Variants in SLC25A42 observed in about 807,000 individuals in gnomAD.
The protein encoded by SLC25A42 is mitochondrial coenzyme A transporter SLC25A42.
Under a neutral mutation model 34.7 loss-of-function variants are expected in SLC25A42, and 19 were observed. That is an observed-to-expected ratio of 0.55 (90% CI 0.38 to 0.80). The LOEUF is 0.80. Ranked by LOEUF, SLC25A42 falls within the 30% of genes least tolerant of loss-of-function variation. The pLI, the probability that SLC25A42 is intolerant of heterozygous loss-of-function variation, is 0.00. For synonymous variants in SLC25A42, 205 were observed against 191.2 expected (o/e 1.07, Z -0.59); for missense variants, 364 against 441.3 (o/e 0.82, Z 1.57).
At chr19:19,105,945 T>C (rs2059824957) in intron 5 of SLC25A42, 2 of 567,184 alleles carry the variant, frequency 3.5e-6, no homozygotes, top group Non-Finnish European at 6.2e-6. Flanking sequence ...TCCTCTCCTT[T>C]GCCCGTTTGT....
chr19:19,092,852 T>C (rs112627888), intron 1 of SLC25A42, among the ~76,000 whole-genome samples: 9 of 152,216 alleles, frequency 5.9e-5, no homozygotes, highest in Non-Finnish European at 1.0e-4. Context: ...CCAGGGTCTG[T>C]AGCGGCAGGG....
intron 1 of SLC25A42, among the ~76,000 whole-genome samples, chr19:19,086,019 G>T (rs554599709): frequency 6.6e-6 from 1 of 152,198 alleles, no homozygotes; most frequent in Non-Finnish European, 1.5e-5. Flanking sequence ...ACCATGTGCC[G>T]TGGAGGACCT....
chr19:19,091,303 A>C (rs1216361781), intron 1 of SLC25A42, among the ~76,000 whole-genome samples: 1 of 152,078 alleles, frequency 6.6e-6, no homozygotes, highest in African/African-American at 2.4e-5. Flanking sequence ...CTAAAAATAC[A>C]AAAACTTAGC....
At chr19:19,097,021 T>G (rs1034592923) in intron 2 of SLC25A42, among the ~76,000 whole-genome samples, 48 of 152,204 alleles carry the variant, frequency 3.2e-4, no homozygotes, top group South Asian at 2.1e-4. Flanking sequence ...AGTTCACCTC[T>G]TAAGTCCACA....
rs1161208923 is a variant in SLC25A42 at position 19,111,107 on chromosome 19, TC to T, written c.*232del. On this transcript the variant is annotated 3_prime_UTR_variant, in exon 8 of 8. Coordinates refer to ENST00000318596, the MANE Select transcript of SLC25A42 (RefSeq NM_178526.5). ...GGTGTGGGGGGTCCCGCAGCTCCCC[TC>T]TTCCTTCCTCTGCAGACGCTGGCGC... The T allele has an allele frequency of 1.7e-6, 1 of 574,298 alleles. No individual in the cohort carries two copies. Among genetic ancestry groups the T allele is most frequent in the Non-Finnish European group, 3.1e-6 (1 of 325,542 alleles). 35.6% of individuals were successfully genotyped at this position (574,298 alleles called of 1,614,324 possible). A position where few individuals can be genotyped will look rare whatever the true frequency, so the allele number is the denominator to read the frequency against.
chr19:19,072,495 A>G (rs2145898558), intron 1 of SLC25A42, among the ~76,000 whole-genome samples: 1 of 151,178 alleles, frequency 6.6e-6, no homozygotes, highest in East Asian at 2.0e-4. Flanking sequence ...CTCATGCCTC[A>G]GCCTCCTGAG....
In SLC25A42 at chr19:19,096,169, T is replaced by C. The variant is rs756604951; in HGVS notation, c.45T>C (p.Asp15=). 2 of 1,613,152 alleles carry C rather than the reference T, an allele frequency of 1.2e-6. No individual in the cohort carries two copies. Among genetic ancestry groups the C allele is most frequent in the South Asian group, 2.2e-5 (2 of 91,080 alleles). ...VKEGPVRLHE[D]AEAVLSSSVS... is the part of the protein sequence containing the mutation. ...AAGGCCCGGTGCGATTGCATGAGGA[T>C]GCTGAGGCTGTCCTGTCCTCGTCCG... Residue 15 remains aspartate (D), a synonymous_variant, in exon 2 of 8, where the codon GAT becomes GAC. Coordinates refer to ENST00000318596, the MANE Select transcript of SLC25A42 (RefSeq NM_178526.5).
intron 1 of SLC25A42, among the ~76,000 whole-genome samples, chr19:19,073,250 G>A (rs951686972): frequency 1.3e-5 from 2 of 152,218 alleles, no homozygotes; most frequent in Non-Finnish European, 2.9e-5. Flanking sequence ...TGGACACTGA[G>A]TGTGACATGG....
At chr19:19,097,330 G>A (rs1339095502) in intron 2 of SLC25A42, among the ~76,000 whole-genome samples, 4 of 152,276 alleles carry the variant, frequency 2.6e-5, no homozygotes, top group African/African-American at 7.2e-5. Context: ...CTCATTCACC[G>A]GGGTCACCAC....
chr19:19,096,304 C>A (rs1445253244), intron 2 of SLC25A42, 99 bp downstream of exon 2: 2 of 852,738 alleles, frequency 2.3e-6, no homozygotes, highest in African/African-American at 3.4e-5. Context: ...GCCTCTGCAC[C>A]CCCTCCAAAC....
chr19:19,074,771 A>C (rs1443240411), intron 1 of SLC25A42, among the ~76,000 whole-genome samples: 1 of 151,614 alleles, frequency 6.6e-6, no homozygotes, highest in Non-Finnish European at 1.5e-5. Context: ...GTGTGTGTGT[A>C]TGTGTGAGTG....
chr19:19,071,023 C>T (rs146167389), intron 1 of SLC25A42, among the ~76,000 whole-genome samples: 339 of 134,882 alleles, frequency 2.5e-3, no homozygotes, highest in African/African-American at 9.9e-3. Flanking sequence ...TACAGGGTCT[C>T]ACTTTCTCAC....
chr19:19,069,587 C>T (rs186480973), intron 1 of SLC25A42, among the ~76,000 whole-genome samples: 2 of 152,324 alleles, frequency 1.3e-5, no homozygotes, highest in Admixed American at 6.5e-5. Context: ...CTCGTGGCTA[C>T]ATCACTCCAG....
chr19:19,105,218 G>A (rs1026246813), intron 4 of SLC25A42: 4 of 573,872 alleles, frequency 7.0e-6, no homozygotes, highest in African/African-American at 5.6e-5. Flanking sequence ...TCTTAATAAA[G>A]GAAAAGATAA....
chr19:19,087,594 A>G (rs1022487871), intron 1 of SLC25A42, among the ~76,000 whole-genome samples: 2 of 152,146 alleles, frequency 1.3e-5, no homozygotes, highest in Non-Finnish European at 1.5e-5. Flanking sequence ...AGCTGTCCCC[A>G]TGGTTCTTGA....
intron 3 of SLC25A42, among the ~76,000 whole-genome samples, chr19:19,104,159 C>T (rs1425782727): frequency 1.3e-5 from 2 of 152,150 alleles, no homozygotes; most frequent in Admixed American, 6.5e-5. Context: ...GTGATCCACC[C>T]GCCTCAGCCT....
At chr19:19,065,723 ATG>A (rs557929615) in intron 1 of SLC25A42, among the ~76,000 whole-genome samples, 59 of 152,290 alleles carry the variant, frequency 3.9e-4, no homozygotes, top group African/African-American at 1.4e-3. Flanking sequence ...ATGTATGTAT[ATG>A]TGTGTGTGTT....
chr19:19,085,799 GGAGGGGA>G (rs763329763), intron 1 of SLC25A42, among the ~76,000 whole-genome samples: 27 of 152,270 alleles, frequency 1.8e-4, no homozygotes, highest in Middle Eastern at 6.8e-3. Flanking sequence ...CACCCTGAGG[GGAGGGGA>G]GAGGGGAGAG....
chr19:19,075,346 C>A (rs560216310), intron 1 of SLC25A42, among the ~76,000 whole-genome samples: 1 of 152,200 alleles, frequency 6.6e-6, no homozygotes, highest in Admixed American at 6.5e-5. Flanking sequence ...TCCTCCCATA[C>A]CCCGCCGAGC....
Sources: gnomAD v4.1 joint callset for allele counts (sites outside exome capture counted in the v4.1 genomes callset) on GRCh38, gnomAD v4.1.1 for gene constraint, MANE v1.5 for transcripts, NCBI Gene and HGNC (gene_info 2026-07-23, HGNC 2026-07-21) for gene names.